Variants in LAMB4 observed in about 807,000 individuals in gnomAD.
LAMB4 encodes the protein laminin subunit beta 4, also known as laminin subunit beta-4.
LAMB4 carries 196 observed loss-of-function variants against 199.2 expected under a neutral mutation model. The ratio of observed to expected loss-of-function variants is 0.98; its 90% CI spans 0.88 to 1.11. The LOEUF is 1.11. LAMB4 is among the 50% of genes least tolerant of loss of function. LAMB4 has a pLI of 0.00. For synonymous variants in LAMB4, 744 were observed against 770.6 expected (o/e 0.97, Z 0.57); for missense variants, 2,080 against 2,171.2 (o/e 0.96, Z 0.83).
chr7:108,030,335 A>C (rs926195815), intron 32 of LAMB4, among the ~76,000 whole-genome samples: 1 of 152,196 alleles, frequency 6.6e-6, no homozygotes, highest in Non-Finnish European at 1.5e-5. Context: ...TCTTTCAGCA[A>C]CCTAAATTAA....
At chr7:108,107,973 C>T (rs1309582119) in intron 5 of LAMB4, among the ~76,000 whole-genome samples, 154 bp from the exon 6 acceptor site, 2 of 152,194 alleles carry the variant, frequency 1.3e-5, no homozygotes, top group African/African-American at 2.4e-5. Flanking sequence ...CAGGATCTCA[C>T]TCTGTCGCCC....
chr7:108,057,720 A>G (rs1228628754), intron 24 of LAMB4, 112 bp downstream of exon 24: 1 of 662,266 alleles, frequency 1.5e-6, no homozygotes, highest in Non-Finnish European at 2.7e-6. Context: ...TTCTAAGTCC[A>G]CCTTATTAAA....
chr7:108,052,371 T>C, intron 25 of LAMB4, 114 bp from the exon 26 acceptor site: 2 of 705,564 alleles, frequency 2.8e-6, no homozygotes, highest in Non-Finnish European at 4.5e-6. Context: ...TAGAAGGGAT[T>C]CCTTCTACTC....
At chr7:108,080,815 AT>A (rs1287373071) in intron 14 of LAMB4, among the ~76,000 whole-genome samples, 1 of 150,916 alleles carries the variant, frequency 6.6e-6, no homozygotes, top group African/African-American at 2.5e-5. Context: ...TTTTTCAAAC[AT>A]TTAAAAAAAA....
chr7:108,063,050 C>T, intron 22 of LAMB4, 56 bp from the exon 23 acceptor site: 1 of 1,153,946 alleles, frequency 8.7e-7, no homozygotes, highest in Non-Finnish European at 1.2e-6. Flanking sequence ...TGGCATTTAG[C>T]AAACCATACA....
At chr7:108,064,243 T>C (rs10257477) in intron 21 of LAMB4, among the ~76,000 whole-genome samples, 28,714 of 152,170 alleles carry the variant, frequency 0.19, 8,250 homozygotes, top group African/African-American at 0.62. Flanking sequence ...TCAAATACCA[T>C]GGAGCTGTGG....
chr7:108,068,059 C>G lies in LAMB4; in HGVS notation c.2403G>C (p.Arg801Ser). ...CCAAATCATAGCTTCCAGTTGAGCA[C>G]CTGTCACAGCAGCGCCCGACCACAA... is the stretch of plus-strand genomic sequence containing the variant. ...KPLVVGRCCD[R>S]CSTGSYDLGH... The change falls in exon 19 of 34, where the codon AGG (arginine) becomes AGC (serine). Residue 801 changes from arginine to serine, a missense_variant. By Grantham distance (110) the Arg-to-Ser change is moderately radical. Transcript: ENST00000388781. The G allele has an allele frequency of 8.7e-6, 14 of 1,614,180 alleles. No homozygotes were observed. Among genetic ancestry groups the G allele is most frequent in the Non-Finnish European group, 1.2e-5 (14 of 1,180,012 alleles).
At chr7:108,050,766 T>C (rs2035802512) in intron 26 of LAMB4, among the ~76,000 whole-genome samples, 1 of 152,194 alleles carries the variant, frequency 6.6e-6, no homozygotes, top group African/African-American at 2.4e-5. Context: ...ATTAGTTTCT[T>C]CTTTCATTTT....
rs1584603308 is a variant in LAMB4 at position 108,037,563 on chromosome 7, C to T, written c.4504G>A (p.Val1502Ile). 2 of 1,614,156 alleles carry T rather than the reference C, an allele frequency of 1.2e-6. No homozygotes were observed. Among genetic ancestry groups the T allele is most frequent in the East Asian group, 2.2e-5 (1 of 44,884 alleles). The stretch of plus-strand genomic sequence containing the variant: ...TGAATGTCAAGCACACCATTCGCAA[C>T]CTTCTCGATGTCTTCTGGAGGCACG... ...ENVPPEDIEK[V>I]ANGVLDIHLP... is the part of the protein sequence containing the mutation. Residue 1502 changes from valine to isoleucine, a missense_variant, in exon 30 of 34, where the codon GTT (valine) becomes ATT (isoleucine). Coordinates refer to ENST00000388781, the MANE Select transcript of LAMB4 (RefSeq NM_007356.3).
chr7:108,100,869 A>G (rs1212891921), intron 10 of LAMB4, among the ~76,000 whole-genome samples: 1 of 152,224 alleles, frequency 6.6e-6, no homozygotes, highest in African/African-American at 2.4e-5. Flanking sequence ...ACATTTTCTG[A>G]GAATCTAGTT....
At chr7:108,077,891 G>A (rs1299775071) in intron 16 of LAMB4, among the ~76,000 whole-genome samples, 1 of 152,160 alleles carries the variant, frequency 6.6e-6, no homozygotes, top group African/African-American at 2.4e-5. Flanking sequence ...AATATTTAGA[G>A]TCAGGATATC....
downstream of LAMB4, among the ~76,000 whole-genome samples, chr7:108,020,450 G>A (rs1316931279): frequency 2.4e-5 from 3 of 124,782 alleles, no homozygotes; most frequent in Non-Finnish European, 4.7e-5. Flanking sequence ...CAGCCTAGGT[G>A]ACAGAGCAAG....
intron 29 of LAMB4, among the ~76,000 whole-genome samples, chr7:108,040,430 A>T (rs1414273670): frequency 6.6e-6 from 1 of 152,244 alleles, no homozygotes; most frequent in African/African-American, 2.4e-5. Flanking sequence ...ATATGGAACA[A>T]AAAAACAGCC....
At chr7:108,078,444 T>C in intron 15 of LAMB4, 128 bp from the exon 16 acceptor site, 1 of 612,842 alleles carries the variant, frequency 1.6e-6, no homozygotes. Context: ...TGGCAAAGAG[T>C]TTTGGAGTTG....
chr7:108,094,607 G>C (rs2037528289), intron 12 of LAMB4, among the ~76,000 whole-genome samples: 1 of 151,346 alleles, frequency 6.6e-6, no homozygotes, highest in African/African-American at 2.4e-5. Context: ...AAATGTCATG[G>C]TGAGCTGCCA....
intron 27 of LAMB4, among the ~76,000 whole-genome samples, chr7:108,048,608 G>A (rs1343874254): frequency 6.6e-6 from 1 of 152,184 alleles, no homozygotes; most frequent in Non-Finnish European, 1.5e-5. Flanking sequence ...TCAGTATTGT[G>A]TCAGTCTGTC....
At chr7:108,081,552 C>G (rs930783625) in intron 14 of LAMB4, among the ~76,000 whole-genome samples, 1 of 152,226 alleles carries the variant, frequency 6.6e-6, no homozygotes, top group African/African-American at 2.4e-5. Context: ...ATCTTAGGCT[C>G]TCCTAGGGCA....
chr7:108,030,819 C>T lies in LAMB4; in HGVS notation c.4979G>A (p.Gly1660Glu), dbSNP rs778755345. Reference sequence around the variant, plus strand: ...AGAACTAATGACCTTCTCAAGACTCCCAGCCTGGTGTTGGGCAGATTCAGC... The same window carrying T: ...AGAACTAATGACCTTCTCAAGACTCTCAGCCTGGTGTTGGGCAGATTCAGC... ...VQAESAQHQA[G>E]SLEKEFVELK... The change falls in exon 32 of 34, where the codon GGG becomes GAG. Residue 1660 changes from glycine (G) to glutamate (E), a missense_variant. Gly to Glu is a moderately conservative substitution (Grantham distance 98, BLOSUM62 -2). Coordinates refer to ENST00000388781, the MANE Select transcript of LAMB4 (RefSeq NM_007356.3). The T allele has an allele frequency of 6.2e-7, 1 of 1,613,982 alleles. No individual in the cohort carries two copies. Among genetic ancestry groups the T allele is most frequent in the South Asian group, 1.1e-5 (1 of 91,040 alleles).
intron 1 of LAMB4, 81 bp from the exon 2 acceptor site, chr7:108,123,278 G>A: frequency 1.3e-6 from 1 of 794,966 alleles, no homozygotes; most frequent in Non-Finnish European, 2.1e-6. Flanking sequence ...AGTGCTTAGG[G>A]TTATCGAATG....
Sources: gnomAD v4.1 joint callset for allele counts (sites outside exome capture counted in the v4.1 genomes callset) on GRCh38, gnomAD v4.1.1 for gene constraint, MANE v1.5 for transcripts, NCBI Gene and HGNC (gene_info 2026-07-23, HGNC 2026-07-21) for gene names.